The following OCA2 variants were observed in gnomAD, a reference collection of about 807,000 sequenced individuals.
OCA2 encodes P protein.
In OCA2, 77 loss-of-function variants were observed where a neutral mutation model predicts 100.2. The observed-to-expected ratio is 0.77, with a 90% confidence interval of 0.64 to 0.93. OCA2 has a LOEUF of 0.93. Ranked by LOEUF, OCA2 falls within the 40% of genes least tolerant of loss-of-function variation. The probability of loss-of-function intolerance (pLI) is 0.00; values close to 1 mark genes in which losing one functional copy is unlikely to be tolerated. For missense variants in OCA2, 1,062 were observed against 1,089.1 expected (o/e 0.98, Z 0.35); for synonymous variants, 432 against 439.2 (o/e 0.98, Z 0.21).
chr15:28,027,817 G>A, intron 4 of OCA2, 54 bp downstream of exon 4: 1 of 1,577,776 alleles, frequency 6.3e-7, no homozygotes. Flanking sequence ...GGCCATGTAG[G>A]ACGCGATGTG....
chr15:27,771,130 C>G (rs1277724343), intron 23 of OCA2, among the ~76,000 whole-genome samples: 1 of 133,872 alleles, frequency 7.5e-6, no homozygotes, highest in Admixed American at 7.5e-5. Context: ...TCTTTCCTTC[C>G]CTCCCTTCCT....
chr15:28,065,969 C>T (rs2044011012), intron 2 of OCA2, among the ~76,000 whole-genome samples: 1 of 152,078 alleles, frequency 6.6e-6, no homozygotes, highest in Non-Finnish European at 1.5e-5. Flanking sequence ...ATTTATAAAA[C>T]TGTCTTTATT....
chr15:27,993,349 C>T (rs921361052), intron 9 of OCA2, among the ~76,000 whole-genome samples: 6 of 152,110 alleles, frequency 3.9e-5, no homozygotes, highest in Admixed American at 2.0e-4. Flanking sequence ...TAATTGTCCC[C>T]GTGTCGGAAA....
chr15:28,013,875 C>T (rs2042308308), intron 9 of OCA2, among the ~76,000 whole-genome samples: 2 of 152,206 alleles, frequency 1.3e-5, no homozygotes, highest in African/African-American at 4.8e-5. Flanking sequence ...GGGAACAAAA[C>T]TGTTCTAGAA....
chr15:27,767,370 G>T (rs188111314), intron 23 of OCA2, among the ~76,000 whole-genome samples: 6 of 152,346 alleles, frequency 3.9e-5, no homozygotes, highest in Admixed American at 6.5e-5. Flanking sequence ...GTTTAGAGGG[G>T]TGATTGACAG....
chr15:27,799,838 A>C (rs992069222), intron 23 of OCA2, among the ~76,000 whole-genome samples: 9 of 152,118 alleles, frequency 5.9e-5, no homozygotes, highest in African/African-American at 1.4e-4. Context: ...AGAGTTCCAG[A>C]GAGGGGTAAC....
At chr15:27,909,547 A>G (rs1567092312) in intron 19 of OCA2, among the ~76,000 whole-genome samples, 1 of 152,228 alleles carries the variant, frequency 6.6e-6, no homozygotes. Context: ...TGGTCCATTA[A>G]CAGACAAATA....
At chr15:28,052,079 G>A (rs966756646) in intron 2 of OCA2, among the ~76,000 whole-genome samples, 9 of 152,130 alleles carry the variant, frequency 5.9e-5, no homozygotes, top group African/African-American at 2.2e-4. Context: ...GGCTGGCTGG[G>A]GTGCTGAATG....
At chr15:27,958,459 T>G (rs1192411096) in intron 15 of OCA2, among the ~76,000 whole-genome samples, 1 of 152,128 alleles carries the variant, frequency 6.6e-6, no homozygotes, top group Non-Finnish European at 1.5e-5. Flanking sequence ...AACAGGGCAT[T>G]TGGTAAGCAG....
chr15:27,909,820 C>T (rs984095208), intron 19 of OCA2, among the ~76,000 whole-genome samples: 2 of 152,038 alleles, frequency 1.3e-5, no homozygotes, highest in African/African-American at 2.4e-5. Context: ...TTCTATTTAG[C>T]CTTTCTATAT....
At chr15:28,093,057 C>T (rs1437443375) in intron 1 of OCA2, among the ~76,000 whole-genome samples, 2 of 151,974 alleles carry the variant, frequency 1.3e-5, no homozygotes, top group Non-Finnish European at 2.9e-5. Context: ...GGCAACTAAG[C>T]ACGTGAGAAG....
chr15:27,834,406 C>T (rs1159783747), intron 23 of OCA2, among the ~76,000 whole-genome samples: 1 of 152,200 alleles, frequency 6.6e-6, no homozygotes, highest in African/African-American at 2.4e-5. Context: ...CATTTGAACC[C>T]TTTATAATAC....
intron 23 of OCA2, among the ~76,000 whole-genome samples, chr15:27,832,133 T>C (rs1201131375): frequency 6.6e-6 from 1 of 152,084 alleles, no homozygotes; most frequent in African/African-American, 2.4e-5. Flanking sequence ...ACTCTGCATT[T>C]CTCCTCTAAA....
intron 23 of OCA2, among the ~76,000 whole-genome samples, chr15:27,800,044 A>G (rs898813314): frequency 6.6e-6 from 1 of 152,262 alleles, no homozygotes; most frequent in African/African-American, 2.4e-5. Flanking sequence ...TATTAATAGC[A>G]GAAAAATCCC....
intron 23 of OCA2, among the ~76,000 whole-genome samples, chr15:27,764,993 T>C (rs888673858): frequency 4.6e-5 from 7 of 152,210 alleles, no homozygotes; most frequent in African/African-American, 1.7e-4. Context: ...GGATTATTCA[T>C]GCGTTTTCCA....
chr15:27,769,645 T>TA (rs58595995), intron 23 of OCA2, among the ~76,000 whole-genome samples: 11,391 of 150,446 alleles, frequency 0.076, 1,396 homozygotes, highest in African/African-American at 0.26. Flanking sequence ...CCTATTGAAA[T>TA]AAAAAAAAAG....
At chr15:28,074,003 GACACACAC>G (rs10534274) in intron 2 of OCA2, among the ~76,000 whole-genome samples, 2 of 146,234 alleles carry the variant, frequency 1.4e-5, no homozygotes, top group African/African-American at 2.5e-5. Flanking sequence ...ATGACAGACA[GACACACAC>G]ACACACACAC....
At chr15:27,811,847 G>A (rs1232237221) in intron 23 of OCA2, among the ~76,000 whole-genome samples, 5 of 152,090 alleles carry the variant, frequency 3.3e-5, no homozygotes, top group African/African-American at 1.2e-4. Flanking sequence ...AGTGTCGGTG[G>A]AACTTCATAA....
At chr15:27,746,732 A>G in the OCA2 span, among the ~76,000 whole-genome samples, 90 of 152,156 alleles carry the variant, frequency 5.9e-4, 1 homozygote, top group Middle Eastern at 3.4e-3. Flanking sequence ...CCCTCACCCA[A>G]CTTTGGCCTT....
Sources: gnomAD v4.1 joint callset for allele counts (sites outside exome capture counted in the v4.1 genomes callset) on GRCh38, gnomAD v4.1.1 for gene constraint, MANE v1.5 for transcripts, NCBI Gene and HGNC (gene_info 2026-07-23, HGNC 2026-07-21) for gene names.